The following ROBO2 variants were observed in gnomAD, a reference collection of about 807,000 sequenced individuals.
ROBO2 encodes roundabout guidance receptor 2.
ROBO2 carries 53 observed loss-of-function variants against 160.8 expected under a neutral mutation model. The ratio of observed to expected loss-of-function variants is 0.33; its 90% CI spans 0.26 to 0.41. The LOEUF (loss-of-function observed/expected upper bound fraction) is 0.41, where lower values mean the gene tolerates loss of function less well. Among genes scored for constraint, ROBO2 ranks in the 10% least tolerant of loss-of-function variants. The probability of loss-of-function intolerance (pLI) is 1.00; values close to 1 mark genes in which losing one functional copy is unlikely to be tolerated. For synonymous variants in ROBO2, 664 were observed against 611.7 expected (o/e 1.09, Z -1.26); for missense variants, 1,577 against 1,722.4 (o/e 0.92, Z 1.49).
chr3:76,033,316 A>T (rs1275686070), intron 2 of ROBO2, among the ~76,000 whole-genome samples: 2 of 152,092 alleles, frequency 1.3e-5, no homozygotes, highest in Non-Finnish European at 2.9e-5. Context: ...ACACACACAG[A>T]CATATCACCG....
intron 2 of ROBO2, among the ~76,000 whole-genome samples, chr3:76,275,173 A>G (rs1707848033): frequency 1.3e-5 from 2 of 152,176 alleles, no homozygotes; most frequent in Non-Finnish European, 2.9e-5. Flanking sequence ...ATATTCAATA[A>G]TATCAGGTGA....
At chr3:76,503,000 A>ATGTGTGTGTG (rs76969660) in intron 2 of ROBO2, among the ~76,000 whole-genome samples, 2 of 143,060 alleles carry the variant, frequency 1.4e-5, no homozygotes, top group Admixed American at 6.7e-5. Context: ...ATATATATAT[A>ATGTGTGTGTG]TGTGTGTGTG....
intron 1 of ROBO2, among the ~76,000 whole-genome samples, chr3:77,093,358 T>C (rs1279074482): frequency 6.6e-6 from 1 of 152,156 alleles, no homozygotes; most frequent in Non-Finnish European, 1.5e-5. Flanking sequence ...CCACTCCCCC[T>C]TACTGTTTTG....
chr3:76,260,314 G>T (rs1172575061), intron 2 of ROBO2, among the ~76,000 whole-genome samples: 3 of 152,014 alleles, frequency 2.0e-5, no homozygotes, highest in Non-Finnish European at 2.9e-5. Flanking sequence ...GTTTAGTATG[G>T]GAGGTAATGA....
At chr3:76,973,541 G>A (rs1185500946) in intron 2 of ROBO2, among the ~76,000 whole-genome samples, 3 of 151,950 alleles carry the variant, frequency 2.0e-5, no homozygotes, top group Non-Finnish European at 2.9e-5. Context: ...GTAATGGAAA[G>A]AAAAATCCAA....
intron 19 of ROBO2, among the ~76,000 whole-genome samples, chr3:77,598,438 T>C (rs1238077770): frequency 1.4e-5 from 2 of 147,408 alleles, no homozygotes; most frequent in South Asian, 2.1e-4. Flanking sequence ...TAGATGAATA[T>C]ATATATATAT....
chr3:75,917,146 T>G (rs1392797576), intron 1 of ROBO2, among the ~76,000 whole-genome samples: 1 of 152,066 alleles, frequency 6.6e-6, no homozygotes, highest in African/African-American at 2.4e-5. Context: ...GGTTTTAAGC[T>G]CCACACGCAT....
intron 2 of ROBO2, among the ~76,000 whole-genome samples, chr3:76,589,605 A>G (rs2086286877): frequency 6.6e-6 from 1 of 152,238 alleles, no homozygotes; most frequent in Non-Finnish European, 1.5e-5. Flanking sequence ...ATGGGAAAAG[A>G]GTCTGATATT....
At chr3:76,749,397 T>C (rs2093943734) in intron 2 of ROBO2, among the ~76,000 whole-genome samples, 1 of 151,954 alleles carries the variant, frequency 6.6e-6, no homozygotes, top group Non-Finnish European at 1.5e-5. Flanking sequence ...CTATGGGACA[T>C]GAAATTATTT....
chr3:76,403,690 G>C (rs2077978327), intron 2 of ROBO2, among the ~76,000 whole-genome samples: 1 of 151,558 alleles, frequency 6.6e-6, no homozygotes, highest in Non-Finnish European at 1.5e-5. Context: ...AGACAATACT[G>C]AACACAGCAC....
intron 2 of ROBO2, among the ~76,000 whole-genome samples, chr3:76,442,890 A>G (rs2076990448): frequency 6.6e-6 from 1 of 152,172 alleles, no homozygotes; most frequent in Admixed American, 6.6e-5. Context: ...CACTATGCCT[A>G]ATTTATAAAT....
intron 2 of ROBO2, among the ~76,000 whole-genome samples, chr3:75,941,347 A>G (rs1948045410): frequency 6.6e-6 from 1 of 152,204 alleles, no homozygotes; most frequent in East Asian, 1.9e-4. Flanking sequence ...CACAAAAATA[A>G]TTATAAGAAG....
chr3:76,910,218 A>C (rs753442041), intron 2 of ROBO2, among the ~76,000 whole-genome samples: 23 of 152,144 alleles, frequency 1.5e-4, no homozygotes, highest in Non-Finnish European at 2.8e-4. Context: ...CTGTTCAAAA[A>C]ATCTTTGAAA....
chr3:75,965,651 A>G (rs1368608305), intron 2 of ROBO2, among the ~76,000 whole-genome samples: 1 of 16,648 alleles, frequency 6.0e-5, no homozygotes, highest in Non-Finnish European at 2.7e-4. Context: ...TTCTGTTAAT[A>G]TTTTATATAT....
chr3:77,543,760 A>C (rs2092582148), intron 6 of ROBO2, among the ~76,000 whole-genome samples: 1 of 149,362 alleles, frequency 6.7e-6, no homozygotes. Flanking sequence ...AAAGTTTGTA[A>C]AGAAGGACTG....
intron 2 of ROBO2, among the ~76,000 whole-genome samples, chr3:77,163,255 T>C (rs2078657494): frequency 6.6e-6 from 1 of 152,240 alleles, no homozygotes; most frequent in Non-Finnish European, 1.5e-5. Context: ...TTAAAATGTA[T>C]ATAGTTAAAG....
intron 2 of ROBO2, among the ~76,000 whole-genome samples, chr3:77,192,137 T>G (rs2081911704): frequency 6.6e-6 from 1 of 152,224 alleles, no homozygotes; most frequent in Admixed American, 6.5e-5. Flanking sequence ...TATGTCATTT[T>G]ATTTGGTGAT....
chr3:76,238,093 T>C (rs891907148), intron 2 of ROBO2, among the ~76,000 whole-genome samples: 2 of 152,178 alleles, frequency 1.3e-5, no homozygotes, highest in African/African-American at 4.8e-5. Flanking sequence ...TGAAATGGAC[T>C]TTTTGACCAT....
At chr3:76,610,413 G>A (rs1013104666) in intron 2 of ROBO2, among the ~76,000 whole-genome samples, 3 of 152,130 alleles carry the variant, frequency 2.0e-5, no homozygotes, top group East Asian at 3.9e-4. Context: ...CAGCTGGAAC[G>A]GCGTGGGGTG....
Sources: allele counts gnomAD v4.1 joint callset (sites outside exome capture counted in the v4.1 genomes callset), GRCh38; gene constraint gnomAD v4.1.1; transcripts MANE v1.5; gene names NCBI Gene and HGNC (gene_info 2026-07-23, HGNC 2026-07-21).